Variants in KIRREL3 observed in about 807,000 individuals in gnomAD.
The protein encoded by KIRREL3 is kirre like nephrin family adhesion molecule 3.
A neutral mutation model predicts 89.7 loss-of-function variants in KIRREL3; 36 were observed. The observed-to-expected ratio is 0.40, with a 90% confidence interval of 0.31 to 0.53. KIRREL3 has a LOEUF of 0.53. KIRREL3 is among the 20% of genes least tolerant of loss of function. KIRREL3 has a pLI of 0.49. For missense variants in KIRREL3, 864 were observed against 1,056.6 expected (o/e 0.82, Z 2.53); for synonymous variants, 445 against 441.4 (o/e 1.01, Z -0.10).
In KIRREL3 at chr11:126,985,724, G is replaced by T. The variant is rs1949846604; in HGVS notation, c.55+14731C>A. Reference sequence around the variant, plus strand: ...TTCTGAGACTCTTTGTCCTGAAGGTGTCGGGATGCTGTCAAAGGAACGTAC... The same window carrying T: ...TTCTGAGACTCTTTGTCCTGAAGGTTTCGGGATGCTGTCAAAGGAACGTAC... On this transcript the variant is annotated intron_variant, in intron 1 of 16. Transcript: ENST00000525144. This position sits in a 1 kb window ranked among gnomAD's most constrained non-coding sequence, Gnocchi z 5.3. Among the ~76,000 whole-genome samples, 1 of 152,150 alleles carries T rather than the reference G, an allele frequency of 6.6e-6. No homozygotes were observed.
Position 126,430,005 on chromosome 11 carries a change from G to T in KIRREL3, c.1697-717C>A, listed in dbSNP as rs1424627675. On this transcript the variant is annotated intron_variant, in intron 14 of 16. Coordinates refer to ENST00000525144, the MANE Select transcript of KIRREL3 (RefSeq NM_032531.4). The surrounding 1 kb of genome is among the most constrained non-coding windows in gnomAD (Gnocchi z 6.6). ...CAAAAATTAGCTGGGCGTGGTGGTGGGTGCCTGTAATGCCAGCTACTCGGG... is the reference window on the plus strand; with the variant it reads ...CAAAAATTAGCTGGGCGTGGTGGTGTGTGCCTGTAATGCCAGCTACTCGGG... Among the ~76,000 whole-genome samples the T allele has an allele frequency of 6.6e-6, 1 of 152,032 alleles. No homozygotes were observed. Among genetic ancestry groups the T allele is most frequent in the Non-Finnish European group, 1.5e-5 (1 of 68,020 alleles).
rs36043250 is a variant in KIRREL3 at position 126,620,187 on chromosome 11, A to ATT, written c.56-57277_56-57276dup. Among the ~76,000 whole-genome samples the ATT allele has an allele frequency of 6.6e-6, 1 of 151,766 alleles. No homozygotes were observed. The highest frequency in any genetic ancestry group is 1.5e-5 in the Non-Finnish European group (1 of 67,920). ...CAAGGCTACTTTCTTCCTTCTTAAAATTTTTCCAATCAGCTATTATAGTTC... is the reference window on the plus strand; with the variant it reads ...CAAGGCTACTTTCTTCCTTCTTAAAATTTTTTTCCAATCAGCTATTATAGTTC... On this transcript the variant is annotated intron_variant, in intron 1 of 16. Coordinates refer to ENST00000525144, the MANE Select transcript of KIRREL3 (RefSeq NM_032531.4). This position sits in a 1 kb window ranked among gnomAD's most constrained non-coding sequence, Gnocchi z 4.8.
chr11:126,916,926 C>G (rs1947065026), intron 1 of KIRREL3, among the ~76,000 whole-genome samples: 1 of 152,176 alleles, frequency 6.6e-6, no homozygotes, highest in Non-Finnish European at 1.5e-5. Context: ...AGGATGTCCC[C>G]CAGCTTGGTT....
intron 1 of KIRREL3, among the ~76,000 whole-genome samples, chr11:126,673,644 C>T (rs1039680395): frequency 1.3e-5 from 2 of 152,230 alleles, no homozygotes; most frequent in Admixed American, 6.5e-5. Flanking sequence ...GGCTCAGGGC[C>T]TCACTCATCA....
intron 1 of KIRREL3, among the ~76,000 whole-genome samples, chr11:126,760,172 T>C (rs1339433457): frequency 1.3e-5 from 2 of 152,214 alleles, no homozygotes; most frequent in South Asian, 4.1e-4. Context: ...TTTCTTTCCT[T>C]CCTCCTGTCT....
In KIRREL3 at chr11:126,424,701, C is replaced by G; in HGVS notation, c.2216G>C (p.Gly739Ala). The change falls in exon 17 of 17, where the codon GGC (glycine) becomes GCC (alanine). Residue 739 changes from glycine (G) to alanine (A), a missense_variant. Physicochemically the swap from Gly to Ala is moderately conservative, Grantham distance 60 (BLOSUM62 0). Transcript: ENST00000525144. Reference sequence around the variant, plus strand: ...GCTGGCCTTGTCGAACTGCACATAGCCATCCTGCTTGCCGCTGCTGCTGAC... The same window carrying G: ...GCTGGCCTTGTCGAACTGCACATAGGCATCCTGCTTGCCGCTGCTGCTGAC... ...SSVSSSGKQDGYVQFDKASKA... is the reference protein window; with the variant it reads ...SSVSSSGKQDAYVQFDKASKA... The G allele has an allele frequency of 6.2e-7, 1 of 1,614,034 alleles. No individual in the cohort carries two copies. The highest frequency in any genetic ancestry group is 8.5e-7 in the Non-Finnish European group (1 of 1,179,890).
chr11:126,838,215 C>A (rs779451896), intron 1 of KIRREL3, among the ~76,000 whole-genome samples: 7 of 152,198 alleles, frequency 4.6e-5, no homozygotes, highest in Non-Finnish European at 1.0e-4. Flanking sequence ...AACGACCCAT[C>A]CTGTCATCAT....
chr11:126,574,552 A>T lies in KIRREL3; in HGVS notation c.56-11640T>A, dbSNP rs1021524243. Among the ~76,000 whole-genome samples the T allele has an allele frequency of 6.6e-6, 1 of 152,194 alleles. No individual in the cohort carries two copies. The highest frequency in any genetic ancestry group is 2.4e-5 in the African/African-American group (1 of 41,450). On this transcript the variant is annotated intron_variant, in intron 1 of 16. Coordinates refer to ENST00000525144, the MANE Select transcript of KIRREL3 (RefSeq NM_032531.4). The surrounding 1 kb of genome is among the most constrained non-coding windows in gnomAD (Gnocchi z 5.3). ...TGGGAGGCAGATTGCTACTATTAGC[A>T]TGCCAAGGACTGCACAGACCCTGCA...
intron 1 of KIRREL3, among the ~76,000 whole-genome samples, chr11:126,603,490 G>A (rs900586990): frequency 6.6e-6 from 1 of 152,234 alleles, no homozygotes; most frequent in African/African-American, 2.4e-5. Context: ...AGCAGGGAGG[G>A]CCACAGAAGG....
chr11:126,647,526 C>T lies in KIRREL3; in HGVS notation c.56-84614G>A, dbSNP rs890847468. ...CATTCAGCAAACGTTTATCAGGCAC[C>T]TTTTAGTGTAAGGTACTCTGCTGGG... On this transcript the variant is annotated intron_variant, in intron 1 of 16. Coordinates refer to ENST00000525144, the MANE Select transcript of KIRREL3 (RefSeq NM_032531.4). The surrounding 1 kb of genome is among the most constrained non-coding windows in gnomAD (Gnocchi z 4.9). Among the ~76,000 whole-genome samples the T allele has an allele frequency of 2.0e-5, 3 of 152,182 alleles. No individual in the cohort carries two copies. Among genetic ancestry groups the T allele is most frequent in the Non-Finnish European group, 4.4e-5 (3 of 68,046 alleles).
rs1001406474 is a variant in KIRREL3 at position 126,812,342 on chromosome 11, G to A, written c.55+188113C>T. ...GGGGGAAAACGAAGTATGCTCTCCAGGCTAACCGTTGGTGGTTTAGGCAGA... is the reference window on the plus strand; with the variant it reads ...GGGGGAAAACGAAGTATGCTCTCCAAGCTAACCGTTGGTGGTTTAGGCAGA... On this transcript the variant is annotated intron_variant, in intron 1 of 16. Transcript: ENST00000525144. The surrounding 1 kb of genome is among the most constrained non-coding windows in gnomAD (Gnocchi z 5.2). Among the ~76,000 whole-genome samples the A allele has an allele frequency of 6.6e-6, 1 of 152,134 alleles. No individual in the cohort carries two copies. The highest frequency in any genetic ancestry group is 1.5e-5 in the Non-Finnish European group (1 of 68,032).
At chr11:126,450,974 G>T (rs542685900) in intron 7 of KIRREL3, among the ~76,000 whole-genome samples, 2 of 134,696 alleles carry the variant, frequency 1.5e-5, no homozygotes, top group South Asian at 2.4e-4. Flanking sequence ...TGCATGCATG[G>T]GTGTGTGCAT....
intron 10 of KIRREL3, 110 bp from the exon 11 acceptor site, chr11:126,440,659 T>C (rs950976263): frequency 1.0e-6 from 1 of 1,000,466 alleles, no homozygotes; most frequent in Non-Finnish European, 1.5e-6. Flanking sequence ...CAGCAAACAT[T>C]TGCCGAAGGC....
intron 1 of KIRREL3, among the ~76,000 whole-genome samples, chr11:126,934,060 A>G (rs75201036): frequency 0.019 from 2,942 of 152,256 alleles, 106 homozygotes; most frequent in East Asian, 0.14. Flanking sequence ...TGGTTTTAAA[A>G]CATACTACAA....
chr11:126,430,589 C>T lies in KIRREL3; in HGVS notation c.1696+830G>A, dbSNP rs1032947271. Among the ~76,000 whole-genome samples, 2 of 152,146 alleles carry T rather than the reference C, an allele frequency of 1.3e-5. No homozygotes were observed. Among genetic ancestry groups the T allele is most frequent in the Non-Finnish European group, 2.9e-5 (2 of 68,020 alleles). ...TCTTGAGAGCCAAGGCTGCTTAGCTCGGAGTGCAGAAAATGCAAGGGGAAC... is the reference window on the plus strand; with the variant it reads ...TCTTGAGAGCCAAGGCTGCTTAGCTTGGAGTGCAGAAAATGCAAGGGGAAC... On this transcript the variant is annotated intron_variant, in intron 14 of 16. Coordinates refer to ENST00000525144, the MANE Select transcript of KIRREL3 (RefSeq NM_032531.4). This position sits in a 1 kb window ranked among gnomAD's most constrained non-coding sequence, Gnocchi z 6.6.
Position 126,706,679 on chromosome 11 carries a change from T to C in KIRREL3, c.56-143767A>G, listed in dbSNP as rs74527225. 8.3e-3 allele frequency among the ~76,000 whole-genome samples: 1,265 copies of C among 152,344 alleles called. 12 individuals are homozygous for C. The highest frequency in any genetic ancestry group is 0.029 in the African/African-American group (1,213 of 41,580). ...TTTCATCTTCGGTTGTGTAATAAAT[T>C]TTTAAAAATCATTTATTTTGCTTTT... On this transcript the variant is annotated intron_variant, in intron 1 of 16. Coordinates refer to ENST00000525144, the MANE Select transcript of KIRREL3 (RefSeq NM_032531.4).
Position 126,611,203 on chromosome 11 carries a change from G to C in KIRREL3, c.56-48291C>G, listed in dbSNP as rs774187202. Among the ~76,000 whole-genome samples, 4 of 152,160 alleles carry C rather than the reference G, an allele frequency of 2.6e-5. No individual in the cohort carries two copies. The highest frequency in any genetic ancestry group is 4.8e-5 in the African/African-American group (2 of 41,438). ...AAAAAGGATCGTGGGGAAATGAAAC[G>C]AGAGAATACATGTAACGTTCTTGGC... On this transcript the variant is annotated intron_variant, in intron 1 of 16. Transcript: ENST00000525144. This position sits in a 1 kb window ranked among gnomAD's most constrained non-coding sequence, Gnocchi z 4.7.
At chr11:126,726,753 T>C (rs1323063974) in intron 1 of KIRREL3, among the ~76,000 whole-genome samples, 1 of 152,224 alleles carries the variant, frequency 6.6e-6, no homozygotes, top group African/African-American at 2.4e-5. Context: ...TCCCTTCTCC[T>C]AGCAAAACTC....
At chr11:126,823,971 A>G (rs1943318682) in intron 1 of KIRREL3, among the ~76,000 whole-genome samples, 2 of 152,262 alleles carry the variant, frequency 1.3e-5, no homozygotes, top group South Asian at 4.1e-4. Flanking sequence ...ATTGTTCTGG[A>G]TTTGTTAGCA....
Sources: allele counts gnomAD v4.1 joint callset (sites outside exome capture counted in the v4.1 genomes callset), GRCh38; gene constraint gnomAD v4.1.1; non-coding constraint Gnocchi (gnomAD v3.1); transcripts MANE v1.5; gene names NCBI Gene and HGNC (gene_info 2026-07-23, HGNC 2026-07-21).